The following SEZ6 variants were observed in gnomAD, a reference collection of about 807,000 sequenced individuals.
The protein encoded by SEZ6 is seizure protein 6 homolog.
A neutral mutation model predicts 101.0 loss-of-function variants in SEZ6; 53 were observed. That is an observed-to-expected ratio of 0.52 (90% confidence interval 0.42 to 0.66). SEZ6 has a LOEUF of 0.66. Ranked by LOEUF, SEZ6 falls within the 30% of genes least tolerant of loss-of-function variation. The probability of loss-of-function intolerance (pLI) is 0.00; values close to 1 mark genes in which losing one functional copy is unlikely to be tolerated. For missense variants in SEZ6, 1,102 were observed against 1,289.4 expected (o/e 0.85, Z 2.23); for synonymous variants, 488 against 512.2 (o/e 0.95, Z 0.64).
chr17:28,961,729 G>A (rs902589402), intron 5 of SEZ6, among the ~76,000 whole-genome samples: 4 of 152,124 alleles, frequency 2.6e-5, no homozygotes, highest in East Asian at 1.9e-4. Flanking sequence ...AACTCCTGGC[G>A]GTTATGTGAG....
In SEZ6 at chr17:28,968,551, G is replaced by A. The variant is rs114400515; in HGVS notation, c.1054+1206C>T. ...GGGAGGCTAGCTGGGCCGCCTAGAC[G>A]TTTCACCCTTGCCTCAGCTGGCCCC... On this transcript the variant is annotated intron_variant, in intron 4 of 16. Coordinates refer to ENST00000317338, the MANE Select transcript of SEZ6 (RefSeq NM_178860.5). 3.4e-3 allele frequency among the ~76,000 whole-genome samples: 523 copies of A among 152,320 alleles called. 7 individuals carry two copies. Among genetic ancestry groups the A allele is most frequent in the African/African-American group, 0.012 (483 of 41,560 alleles).
chr17:28,972,740 T>G (rs966681782), intron 3 of SEZ6, among the ~76,000 whole-genome samples: 1 of 152,208 alleles, frequency 6.6e-6, no homozygotes, highest in Non-Finnish European at 1.5e-5. Flanking sequence ...ACGTGGAATC[T>G]GTAATTATCG....
At position 29,006,000 on chromosome 17, in the gene SEZ6, T is replaced by A; in HGVS notation, c.-131A>T. On this transcript the variant is annotated 5_prime_UTR_variant, in exon 1 of 17. Transcript: ENST00000317338. This position sits in a 1 kb window ranked among gnomAD's most constrained non-coding sequence, Gnocchi z 4.8. Reference sequence around the variant, plus strand: ...GCGGGGCCGCAGCCGTCACCGCCGCTGCCGCCGCCAGCGCCTGACAGAATC... The same window carrying A: ...GCGGGGCCGCAGCCGTCACCGCCGCAGCCGCCGCCAGCGCCTGACAGAATC... 3 of 720,858 alleles carry A rather than the reference T, an allele frequency of 4.2e-6. No homozygotes were observed. The highest frequency in any genetic ancestry group is 5.6e-6 in the Non-Finnish European group (3 of 531,138). The allele number at this position is 720,858 out of a possible 1,614,324, so 44.7% of individuals were successfully genotyped here. A position where few individuals can be genotyped will look rare whatever the true frequency, so the allele number is the denominator to read the frequency against.
intron 5 of SEZ6, among the ~76,000 whole-genome samples, chr17:28,963,111 G>A (rs1183560840): frequency 2.0e-5 from 3 of 148,004 alleles, no homozygotes; most frequent in East Asian, 3.9e-4. Flanking sequence ...GTGAAAGAGC[G>A]AGACTCCGTC....
intron 4 of SEZ6, among the ~76,000 whole-genome samples, chr17:28,968,724 G>A (rs2041107521): frequency 6.6e-6 from 1 of 152,214 alleles, no homozygotes; most frequent in African/African-American, 2.4e-5. Flanking sequence ...CCAGAGTGCT[G>A]GCTCTTCTGC....
At position 28,981,572 on chromosome 17, in the gene SEZ6, T is replaced by A. The variant is rs1046992060; in HGVS notation, c.523A>T (p.Thr175Ser). ...GGTGTCCAGGCTCTGCTGGGGGGTG[T>A]AGTGCTGGCTATCTCCCCTGGGCCT... ...TLGPGEIAST[T>S]PPSRAWTPTQ... The change falls in exon 2 of 17, where the codon ACA (threonine) becomes TCA (serine). Residue 175 changes from threonine (T) to serine (S), a missense_variant. Around this residue, in one of 3 missense-constraint regions of SEZ6, gnomAD observed 406 missense variants for 418.6 expected, o/e 0.97. Coordinates refer to ENST00000317338, the MANE Select transcript of SEZ6 (RefSeq NM_178860.5). 4.3e-6 allele frequency: 7 copies of A among 1,611,152 alleles called. No homozygotes were observed. The highest frequency in any genetic ancestry group is 5.9e-6 in the Non-Finnish European group (7 of 1,178,380).
At chr17:28,986,768 C>T (rs1276572071) in intron 1 of SEZ6, among the ~76,000 whole-genome samples, 4 of 152,184 alleles carry the variant, frequency 2.6e-5, no homozygotes, top group Non-Finnish European at 5.9e-5. Flanking sequence ...GTGACCTGGG[C>T]GGGGGCTGCC....
At chr17:28,996,421 G>A (rs766105363) in intron 1 of SEZ6, among the ~76,000 whole-genome samples, 10 of 152,146 alleles carry the variant, frequency 6.6e-5, no homozygotes, top group Non-Finnish European at 1.0e-4. Flanking sequence ...AGCCCATGAG[G>A]CTGGCCTGGC....
At chr17:28,958,995 G>A in intron 10 of SEZ6, 30 bp downstream of exon 10, 1 of 1,586,302 alleles carries the variant, frequency 6.3e-7, no homozygotes, top group Non-Finnish European at 8.6e-7. Flanking sequence ...CTTGCTGTCT[G>A]CACTCTGAGT....
intron 1 of SEZ6, among the ~76,000 whole-genome samples, chr17:29,001,621 A>G (rs1014277790): frequency 9.2e-5 from 14 of 152,372 alleles, no homozygotes; most frequent in Admixed American, 7.8e-4. Context: ...ATAAGAGCCC[A>G]AAAGCTGTTG....
intron 5 of SEZ6, among the ~76,000 whole-genome samples, chr17:28,962,202 ATC>A (rs2040988266): frequency 6.6e-6 from 1 of 152,194 alleles, no homozygotes; most frequent in Non-Finnish European, 1.5e-5. Flanking sequence ...ATGCCTGCAC[ATC>A]TCTGCATATG....
chr17:28,990,836 C>T (rs1467363016), intron 1 of SEZ6, among the ~76,000 whole-genome samples: 2 of 152,030 alleles, frequency 1.3e-5, no homozygotes, highest in South Asian at 2.1e-4. Context: ...AACACCAAAA[C>T]CCTAGCCTCC....
chr17:28,979,596 C>T (rs1472909927), intron 3 of SEZ6, 84 bp downstream of exon 3: 1 of 1,587,654 alleles, frequency 6.3e-7, no homozygotes, highest in Non-Finnish European at 8.6e-7. Context: ...TAATCATCCC[C>T]ACATCCTCTC....
At chr17:28,977,015 C>T (rs2041230178) in intron 3 of SEZ6, among the ~76,000 whole-genome samples, 1 of 152,258 alleles carries the variant, frequency 6.6e-6, no homozygotes, top group African/African-American at 2.4e-5. Flanking sequence ...TCTGTGTCCC[C>T]AGTGCCCAGC....
At chr17:28,984,424 C>T (rs2041349839) in intron 1 of SEZ6, among the ~76,000 whole-genome samples, 1 of 152,180 alleles carries the variant, frequency 6.6e-6, no homozygotes, top group African/African-American at 2.4e-5. Context: ...GAGATGTGGC[C>T]CTTGGCTCTC....
intron 4 of SEZ6, among the ~76,000 whole-genome samples, chr17:28,966,124 C>G (rs2041062821): frequency 6.7e-6 from 1 of 150,196 alleles, no homozygotes; most frequent in Admixed American, 6.7e-5. Context: ...GCCTGGGCGA[C>G]AGAGTGAGAC....
chr17:28,987,040 C>T (rs760112677), intron 1 of SEZ6, among the ~76,000 whole-genome samples: 70 of 152,078 alleles, frequency 4.6e-4, no homozygotes, highest in South Asian at 1.0e-3. Flanking sequence ...CTGTCAGCTT[C>T]GGGGGAGGGC....
At chr17:29,001,897 A>G (rs1423922862) in intron 1 of SEZ6, among the ~76,000 whole-genome samples, 1 of 152,160 alleles carries the variant, frequency 6.6e-6, no homozygotes, top group Non-Finnish European at 1.5e-5. Flanking sequence ...TGACTTGACA[A>G]GAACTTTGAG....
Position 28,969,933 on chromosome 17 carries a change from C to A in SEZ6, c.878G>T (p.Arg293Leu). The A allele has an allele frequency of 6.5e-7, 1 of 1,539,156 alleles. No homozygotes were observed. The highest frequency in any genetic ancestry group is 1.3e-5 in the South Asian group (1 of 79,390). ...TTCCACAGTCACTGTCTCCCCTTCC[C>A]GGAGGCTGATATTCTGGACCTGTCA... ...VEIKVQNISL[R>L]EGETVTVEGL... Residue 293 changes from arginine (R) to leucine (L), a missense_variant, in exon 4 of 17, where the codon CGG becomes CTG. Arg to Leu is a moderately radical substitution (Grantham distance 102, BLOSUM62 -2). Around this residue, in one of 3 missense-constraint regions of SEZ6, gnomAD observed 406 missense variants for 418.6 expected, o/e 0.97. Coordinates refer to ENST00000317338, the MANE Select transcript of SEZ6 (RefSeq NM_178860.5).
Sources: gnomAD v4.1 joint callset for allele counts (sites outside exome capture counted in the v4.1 genomes callset) on GRCh38, gnomAD v4.1.1 for gene constraint, gnomAD v4.1.1 regional missense constraint, Gnocchi (gnomAD v3.1) non-coding constraint, MANE v1.5 for transcripts, NCBI Gene and HGNC (gene_info 2026-07-23, HGNC 2026-07-21) for gene names.